The following CARMIL1 variants were observed in gnomAD, a reference collection of about 807,000 sequenced individuals.
CARMIL1 encodes F-actin-uncapping protein LRRC16A.
A neutral mutation model predicts 177.1 loss-of-function variants in CARMIL1; 90 were observed. The observed-to-expected ratio is 0.51, with a 90% CI of 0.43 to 0.61. CARMIL1 has a LOEUF of 0.61. Ranked by LOEUF, CARMIL1 falls within the 20% of genes least tolerant of loss-of-function variation. CARMIL1 has a pLI of 0.00. For synonymous variants in CARMIL1, 577 were observed against 606.2 expected (o/e 0.95, Z 0.71); for missense variants, 1,380 against 1,667.0 (o/e 0.83, Z 3.00).
At position 25,517,222 on chromosome 6, in the gene CARMIL1, C is replaced by T. The variant is rs1022630108; in HGVS notation, c.1806-125C>T. ...GTTAGAAATGAAGATGAACATTATTCCTTGCTCACATAATGCAGCTGTACT... is the reference window on the plus strand; with the variant it reads ...GTTAGAAATGAAGATGAACATTATTTCTTGCTCACATAATGCAGCTGTACT... On this transcript the variant is annotated intron_variant, in intron 21 of 36. Transcript: ENST00000329474. The T allele has an allele frequency of 4.1e-4, 265 of 648,940 alleles. 1 individual carries two copies. Among genetic ancestry groups the T allele is most frequent in the South Asian group, 2.7e-4 (14 of 51,834 alleles). The allele number at this position is 648,940 out of a possible 1,614,324, so 40.2% of individuals were successfully genotyped here.
At chr6:25,612,625 TAA>T in intron 36 of CARMIL1, 1 of 409,370 alleles carries the variant, frequency 2.4e-6, no homozygotes, top group Non-Finnish European at 3.3e-6. Context: ...CCTTGAATCC[TAA>T]GTGGGGTGGG....
At chr6:25,377,581 C>T (rs1456339307) in intron 2 of CARMIL1, among the ~76,000 whole-genome samples, 1 of 152,152 alleles carries the variant, frequency 6.6e-6, no homozygotes, top group South Asian at 2.1e-4. Flanking sequence ...TGGGTACCAG[C>T]ACCAGTTCTG....
intron 3 of CARMIL1, among the ~76,000 whole-genome samples, chr6:25,421,318 A>G (rs918367789): frequency 6.6e-5 from 10 of 152,118 alleles, no homozygotes; most frequent in Non-Finnish European, 8.8e-5. Flanking sequence ...TCAAAACCAC[A>G]ATGAGATACC....
chr6:25,508,401 T>G (rs7758716), intron 17 of CARMIL1, among the ~76,000 whole-genome samples: 66,376 of 152,016 alleles, frequency 0.44, 14,875 homozygotes, highest in Middle Eastern at 0.52. Flanking sequence ...TCTGTCACCT[T>G]AAAAAGTAGA....
At chr6:25,459,269 T>TCTTTCTTTCTCTTTCTTTCTTTCTTTC (rs56094712) in intron 8 of CARMIL1, among the ~76,000 whole-genome samples, 12 of 118,214 alleles carry the variant, frequency 1.0e-4, no homozygotes, top group African/African-American at 3.5e-4. Context: ...TTTCTTTCTT[T>TCTTTCTTTCTCTTTCTTTCTTTCTTTC]TTTTTTTTTT....
intron 2 of CARMIL1, among the ~76,000 whole-genome samples, chr6:25,364,500 A>G (rs1789556377): frequency 6.6e-6 from 1 of 152,084 alleles, no homozygotes; most frequent in Admixed American, 6.5e-5. Context: ...GCTTTTTAAC[A>G]TCCTAGCTGC....
intron 2 of CARMIL1, chr6:25,383,514 T>A (rs540607074): frequency 6.6e-6 from 1 of 152,306 alleles, no homozygotes; most frequent in South Asian, 2.1e-4. Flanking sequence ...GTATTTTCCC[T>A]TTAGTAAGAT....
chr6:25,587,016 G>GAGGGAGAGGGAGACTGGGGAA (rs1309751917), intron 31 of CARMIL1, among the ~76,000 whole-genome samples: 32 of 144,298 alleles, frequency 2.2e-4, no homozygotes, highest in African/African-American at 7.3e-4. Context: ...GGGAGAGGGA[G>GAGGGAGAGGGAGACTGGGGAA]AGGGAGAGGG....
intron 17 of CARMIL1, among the ~76,000 whole-genome samples, chr6:25,502,457 A>T (rs959033289): frequency 2.6e-5 from 4 of 151,460 alleles, no homozygotes; most frequent in African/African-American, 4.9e-5. Flanking sequence ...TGGGAGGCTG[A>T]GGCAGAGAAT....
In CARMIL1 at chr6:25,540,859, C is replaced by T. The variant is rs1010990351; in HGVS notation, c.2328+781C>T. On this transcript the variant is annotated intron_variant, in intron 26 of 36. Coordinates refer to ENST00000329474, the MANE Select transcript of CARMIL1 (RefSeq NM_017640.6). ...TAATAACTTTGCAGCATGTTAATTACTCTCTTTGAAAATTTAAGTTAATGA... is the reference window on the plus strand; with the variant it reads ...TAATAACTTTGCAGCATGTTAATTATTCTCTTTGAAAATTTAAGTTAATGA... Among the ~76,000 whole-genome samples, 3 of 152,326 alleles carry T rather than the reference C, an allele frequency of 2.0e-5. No homozygotes were observed. The South Asian group carries it at 6.2e-4, about 32-fold the overall frequency.
In CARMIL1 at chr6:25,452,298, G is replaced by C. The variant is rs763293674; in HGVS notation, c.614+1587G>C. ...AGGCAACTTTATACTTTCAAATTTA[G>C]ACAAGATGTTTCCTGTGTAGCTCAT... On this transcript the variant is annotated intron_variant, in intron 8 of 36. Coordinates refer to ENST00000329474, the MANE Select transcript of CARMIL1 (RefSeq NM_017640.6). The C allele has an allele frequency of 5.3e-6, 4 of 749,536 alleles. No individual in the cohort carries two copies. In the East Asian group the frequency reaches 9.7e-5, roughly 18 times the overall value. The allele number at this position is 749,536 out of a possible 1,614,324, so 46.4% of individuals were successfully genotyped here. A position where few individuals can be genotyped will look rare whatever the true frequency, so the allele number is the denominator to read the frequency against.
At position 25,450,675 on chromosome 6, in the gene CARMIL1, A is replaced by T; in HGVS notation, c.578A>T (p.Glu193Val). ...DTIYLTQDTR[E>V]LNLQDFSHLD... ...ATTTATCTTACCCAAGACACCAGGGAATTGAATTTACAAGATTTTAGTCAT... is the reference window on the plus strand; with the variant it reads ...ATTTATCTTACCCAAGACACCAGGGTATTGAATTTACAAGATTTTAGTCAT... The change falls in exon 8 of 37, where the codon GAA (glutamate) becomes GTA (valine). Residue 193 changes from glutamate (E) to valine (V), a missense_variant. By Grantham distance (121) the Glu-to-Val change is moderately radical. Transcript: ENST00000329474. 6.2e-7 allele frequency: 1 copy of T among 1,607,004 alleles called. No homozygotes were observed. Among genetic ancestry groups the T allele is most frequent in the Non-Finnish European group, 8.5e-7 (1 of 1,175,820 alleles).
At chr6:25,506,461 G>A (rs531324031) in intron 17 of CARMIL1, among the ~76,000 whole-genome samples, 4 of 152,276 alleles carry the variant, frequency 2.6e-5, no homozygotes, top group Admixed American at 6.5e-5. Context: ...CAGGAGAATC[G>A]CTTGAACCTG....
intron 2 of CARMIL1, among the ~76,000 whole-genome samples, chr6:25,356,101 A>G (rs1788581292): frequency 7.0e-6 from 1 of 143,664 alleles, no homozygotes; most frequent in Admixed American, 7.3e-5. Flanking sequence ...CCCAGGCCGG[A>G]CTGCGGACTG....
intron 29 of CARMIL1, 116 bp downstream of exon 29, chr6:25,556,966 C>A: frequency 1.9e-6 from 2 of 1,044,526 alleles, no homozygotes; most frequent in Non-Finnish European, 2.8e-6. Context: ...ACTGTCCCCA[C>A]CCTCAGACAA....
At position 25,606,263 on chromosome 6, in the gene CARMIL1, C is replaced by T. The variant is rs1421178130; in HGVS notation, c.3837C>T (p.Ala1279=). The change falls in exon 35 of 37, where the codon GCC becomes GCT. Residue 1279 remains alanine (A), a synonymous_variant. Coordinates refer to ENST00000329474, the MANE Select transcript of CARMIL1 (RefSeq NM_017640.6). The part of the protein sequence containing the change: ...RPVIPQKPRT[A]SRPDDIPDSP... ...TCATCCCGCAGAAACCAAGAACCGC[C>T]TCACGGCCTGGTAAGAGTTTTGCAG... The T allele has an allele frequency of 2.5e-6, 4 of 1,613,380 alleles. No homozygotes were observed. The South Asian group carries it at 4.4e-5, about 18-fold the overall frequency.
intron 29 of CARMIL1, among the ~76,000 whole-genome samples, chr6:25,562,151 C>T (rs1418003415): frequency 1.3e-5 from 2 of 152,080 alleles, no homozygotes; most frequent in African/African-American, 4.8e-5. Context: ...ATTGTTGCCT[C>T]AAGACCCAGA....
chr6:25,530,037 T>TA lies in CARMIL1; in HGVS notation c.2067+1149dup, dbSNP rs1243873921. On this transcript the variant is annotated intron_variant, in intron 24 of 36. Coordinates refer to ENST00000329474, the MANE Select transcript of CARMIL1 (RefSeq NM_017640.6). The stretch of plus-strand genomic sequence containing the variant: ...TTCTAATGGAGCTTCAAAATTATTA[T>TA]AAAAATGAGAGATATTAGAGGACAG... Among the ~76,000 whole-genome samples, 5 of 151,974 alleles carry TA rather than the reference T, an allele frequency of 3.3e-5. No homozygotes were observed. In the East Asian group the frequency reaches 9.7e-4, roughly 29 times the overall value.
intron 12 of CARMIL1, among the ~76,000 whole-genome samples, chr6:25,483,296 G>GA (rs1294257872): frequency 1.3e-5 from 2 of 152,282 alleles, no homozygotes; most frequent in Admixed American, 1.3e-4. Context: ...TATAGTGGTT[G>GA]AAAGTGTCAG....
Sources: gnomAD v4.1 joint callset for allele counts (sites outside exome capture counted in the v4.1 genomes callset) on GRCh38, gnomAD v4.1.1 for gene constraint, MANE v1.5 for transcripts, NCBI Gene and HGNC (gene_info 2026-07-23, HGNC 2026-07-21) for gene names.